Variants in NRXN1 observed in about 807,000 individuals in gnomAD.
The protein encoded by NRXN1 is neurexin-1.
In NRXN1, 39 loss-of-function variants were observed where a neutral mutation model predicts 150.9. The observed-to-expected ratio is 0.26, with a 90% CI of 0.20 to 0.34. The LOEUF (loss-of-function observed/expected upper bound fraction) is 0.34, where lower values mean the gene tolerates loss of function less well. NRXN1 is among the 10% of genes least tolerant of loss of function. NRXN1 has a pLI of 1.00. For synonymous variants in NRXN1, 924 were observed against 757.0 expected (o/e 1.22, Z -3.62); for missense variants, 1,815 against 1,949.9 (o/e 0.93, Z 1.30).
chr2:50,486,797 T>C (rs1451437239), intron 15 of NRXN1, among the ~76,000 whole-genome samples: 1 of 152,144 alleles, frequency 6.6e-6, no homozygotes, highest in Non-Finnish European at 1.5e-5. Flanking sequence ...AGGGTAGTTA[T>C]GGGAAATTGG....
chr2:50,804,925 G>A (rs1459021275), intron 5 of NRXN1, among the ~76,000 whole-genome samples: 2 of 152,186 alleles, frequency 1.3e-5, no homozygotes, highest in East Asian at 1.9e-4. Context: ...GGAACAGTGT[G>A]TGCATGTAAG....
intron 5 of NRXN1, among the ~76,000 whole-genome samples, chr2:50,669,957 A>C (rs1346153063): frequency 3.3e-5 from 5 of 151,950 alleles, no homozygotes. Flanking sequence ...TTCAAGGCTA[A>C]TCCAAAAGGA....
At chr2:50,370,910 G>T (rs2079973064) in intron 17 of NRXN1, among the ~76,000 whole-genome samples, 1 of 151,934 alleles carries the variant, frequency 6.6e-6, no homozygotes, top group Non-Finnish European at 1.5e-5. Context: ...AGTCTTGTGT[G>T]AACTGAAGAC....
At chr2:51,008,235 T>C (rs1667324768) in intron 2 of NRXN1, among the ~76,000 whole-genome samples, 1 of 150,872 alleles carries the variant, frequency 6.6e-6, no homozygotes, top group South Asian at 2.1e-4. Context: ...AAGAAGAGAG[T>C]CAGAGAGTAG....
chr2:50,256,352 A>G lies in NRXN1; in HGVS notation c.3365-19382T>C, dbSNP rs1225056691. ...GGTTGGCTACATAGGTTTTTAATGT[A>G]AGATCATTTTCTAACCGCTGTTTGG... On this transcript the variant is annotated intron_variant, in intron 17 of 22. Transcript: ENST00000401669. Among the ~76,000 whole-genome samples, 3 of 152,278 alleles carry G rather than the reference A, an allele frequency of 2.0e-5. No homozygotes were observed. In the East Asian group the frequency reaches 5.8e-4, roughly 29 times the overall value.
At chr2:50,392,539 T>C (rs2081791183) in intron 17 of NRXN1, among the ~76,000 whole-genome samples, 1 of 152,158 alleles carries the variant, frequency 6.6e-6, no homozygotes, top group African/African-American at 2.4e-5. Context: ...ATGCAAATAT[T>C]AAATATCATA....
At chr2:50,803,277 G>T (rs1289893094) in intron 5 of NRXN1, among the ~76,000 whole-genome samples, 9 of 152,102 alleles carry the variant, frequency 5.9e-5, no homozygotes, top group Admixed American at 5.9e-4. Context: ...CTATGATGAT[G>T]ATCTGAGAAG....
intron 17 of NRXN1, among the ~76,000 whole-genome samples, chr2:50,421,445 A>C (rs946819895): frequency 6.6e-6 from 1 of 152,146 alleles, no homozygotes; most frequent in Admixed American, 6.6e-5. Flanking sequence ...TAGGAACACC[A>C]TAAATCATGC....
chr2:50,977,654 T>C (rs893053012), intron 2 of NRXN1, among the ~76,000 whole-genome samples: 1 of 151,940 alleles, frequency 6.6e-6, no homozygotes, highest in Non-Finnish European at 1.5e-5. Flanking sequence ...TCCTACCCTC[T>C]ACTGACCTAT....
intron 18 of NRXN1, among the ~76,000 whole-genome samples, chr2:50,186,388 AG>A (rs201609338): frequency 0.057 from 8,716 of 152,142 alleles, 292 homozygotes; most frequent in Middle Eastern, 0.11. Context: ...CCTCTTAAAA[AG>A]TACTTGGATG....
At chr2:50,333,691 T>C (rs1049674367) in intron 17 of NRXN1, among the ~76,000 whole-genome samples, 1 of 151,862 alleles carries the variant, frequency 6.6e-6, no homozygotes, top group African/African-American at 2.4e-5. Context: ...CAGAATGGAT[T>C]TGACGGCCTC....
At chr2:50,624,121 T>A (rs1680557612) in intron 5 of NRXN1, among the ~76,000 whole-genome samples, 2 of 152,104 alleles carry the variant, frequency 1.3e-5, no homozygotes, top group African/African-American at 4.8e-5. Context: ...CTATTCACAA[T>A]AGCAAAGACT....
rs115995203 is a variant in NRXN1, at chr2:50,590,396, G to A, written c.1320+29626C>T. ...GAACTATTTTGTTTAATGCCACTGC[G>A]TCTATGAAACATTATAGACTATTCT... On this transcript the variant is annotated intron_variant, in intron 8 of 22. Transcript: ENST00000401669. 2.5e-3 allele frequency among the ~76,000 whole-genome samples: 376 copies of A among 152,148 alleles called. 1 individual carries two copies. The highest frequency in any genetic ancestry group is 8.7e-3 in the African/African-American group (363 of 41,508).
At chr2:50,663,604 T>C (rs1687612692) in intron 5 of NRXN1, among the ~76,000 whole-genome samples, 1 of 152,070 alleles carries the variant, frequency 6.6e-6, no homozygotes, top group Non-Finnish European at 1.5e-5. Context: ...CTGTTTGGGT[T>C]GGACTAATTT....
intron 17 of NRXN1, among the ~76,000 whole-genome samples, chr2:50,308,501 A>AT (rs912026334): frequency 1.1e-4 from 16 of 150,068 alleles, no homozygotes; most frequent in East Asian, 2.0e-4. Flanking sequence ...GTAAGTTTTT[A>AT]TTTTTTTTTA....
intron 5 of NRXN1, among the ~76,000 whole-genome samples, chr2:50,777,951 A>G (rs1703865108): frequency 6.6e-6 from 1 of 152,190 alleles, no homozygotes; most frequent in South Asian, 2.1e-4. Context: ...ATTAGATAAT[A>G]CTATCATTTC....
At position 50,656,286 on chromosome 2, in the gene NRXN1, A is replaced by G. The variant is rs567421090; in HGVS notation, c.833-32671T>C. On this transcript the variant is annotated intron_variant, in intron 5 of 22. Coordinates refer to ENST00000401669, the MANE Select transcript of NRXN1 (RefSeq NM_001330078.2). Reference sequence around the variant, plus strand: ...TCAAAACCCACCCATGAGAAATTAAATAGGCTTTTAAAGTTACGTATCAAT... The same window carrying G: ...TCAAAACCCACCCATGAGAAATTAAGTAGGCTTTTAAAGTTACGTATCAAT... 361 of 703,918 alleles carry G rather than the reference A, an allele frequency of 5.1e-4. 3 individuals are homozygous for G. Among genetic ancestry groups the G allele is most frequent in the Non-Finnish European group, 8.6e-4 (326 of 378,090 alleles). 43.6% of individuals were successfully genotyped at this position (703,918 alleles called of 1,614,324 possible).
intron 2 of NRXN1, among the ~76,000 whole-genome samples, chr2:51,014,504 A>C (rs571921561): frequency 2.0e-4 from 31 of 152,214 alleles, no homozygotes; most frequent in Non-Finnish European, 4.0e-4. Context: ...AGTTAAATGG[A>C]ATTTTGAAAA....
At chr2:50,758,292 T>C (rs1026905304) in intron 5 of NRXN1, among the ~76,000 whole-genome samples, 4 of 151,820 alleles carry the variant, frequency 2.6e-5, no homozygotes, top group Non-Finnish European at 5.9e-5. Flanking sequence ...TGCTTAGAAA[T>C]GTTGACCTTT....
Sources: gnomAD v4.1 joint callset for allele counts (sites outside exome capture counted in the v4.1 genomes callset) on GRCh38, gnomAD v4.1.1 for gene constraint, MANE v1.5 for transcripts, NCBI Gene and HGNC (gene_info 2026-07-23, HGNC 2026-07-21) for gene names.